Variants in SLC1A2 observed in about 807,000 individuals in gnomAD.
SLC1A2 encodes the protein excitatory amino acid transporter 2.
Under a neutral mutation model 48.8 loss-of-function variants are expected in SLC1A2, and 15 were observed. The observed-to-expected ratio is 0.31, with a 90% CI of 0.21 to 0.47. The LOEUF is 0.47. Among genes scored for constraint, SLC1A2 ranks in the 20% least tolerant of loss-of-function variants. The probability of loss-of-function intolerance (pLI) is 0.99; values close to 1 mark genes in which losing one functional copy is unlikely to be tolerated. For synonymous variants in SLC1A2, 279 were observed against 272.6 expected, an observed-to-expected ratio of 1.02 and a Z score of -0.23; for missense variants, 502 against 730.5, an observed-to-expected ratio of 0.69 and a Z score of 3.61.
chr11:35,361,188 T>A (rs1853669158), intron 1 of SLC1A2, among the ~76,000 whole-genome samples: 1 of 152,130 alleles, frequency 6.6e-6, no homozygotes, highest in Non-Finnish European at 1.5e-5. Context: ...CTCCTGCATT[T>A]TAAGATGATG....
intron 4 of SLC1A2, among the ~76,000 whole-genome samples, chr11:35,311,932 G>A (rs1157001784): frequency 2.4e-4 from 6 of 25,214 alleles, no homozygotes; most frequent in East Asian, 1.3e-3. Context: ...GGCGGGGGGG[G>A]GGGGTGGGGG....
At chr11:35,413,094 G>A (rs1344312837) in intron 1 of SLC1A2, among the ~76,000 whole-genome samples, 1 of 152,154 alleles carries the variant, frequency 6.6e-6, no homozygotes, top group South Asian at 2.1e-4. Context: ...AGAATGGTAC[G>A]CACGCTTTCA....
chr11:35,358,703 A>G (rs1412294065), intron 1 of SLC1A2, among the ~76,000 whole-genome samples: 1 of 152,250 alleles, frequency 6.6e-6, no homozygotes, highest in Non-Finnish European at 1.5e-5. Flanking sequence ...AGAACAGAGT[A>G]CTGAATATTG....
At position 35,254,483 on chromosome 11, in the gene SLC1A2, G is replaced by A. The variant is rs780103226; in HGVS notation, c.*6411C>T. On this transcript the variant is annotated 3_prime_UTR_variant, in exon 11 of 11. Transcript: ENST00000278379. The stretch of plus-strand genomic sequence containing the variant: ...GGGTCCATGGGGGAGAAACCTCAGA[G>A]ATGTGCTGGACCAACTTCCTTGGCT... The A allele has an allele frequency of 4.4e-6, 1 of 224,772 alleles. No individual in the cohort carries two copies. The allele number at this position is 224,772 out of a possible 1,614,324, so 13.9% of individuals were successfully genotyped here.
chr11:35,382,204 A>G (rs1223317000), intron 1 of SLC1A2, among the ~76,000 whole-genome samples: 2 of 152,152 alleles, frequency 1.3e-5, no homozygotes, highest in Non-Finnish European at 2.9e-5. Flanking sequence ...TCACTGAATC[A>G]CCCACCACTT....
chr11:35,419,051 G>T lies in SLC1A2; in HGVS notation c.-85C>A. On this transcript the variant is annotated 5_prime_UTR_variant, in exon 1 of 11. Transcript: ENST00000278379. This position sits in a 1 kb window ranked among gnomAD's most constrained non-coding sequence, Gnocchi z 5.4. ...GCGGACGCCGGGGTGAGCGCGAAGT[G>T]CGGCCGGGAGCGGTATTTAAGAGGA... 8.0e-7 allele frequency: 1 copy of T among 1,257,212 alleles called. No homozygotes were observed. The highest frequency in any genetic ancestry group is 1.1e-6 in the Non-Finnish European group (1 of 889,704). 77.9% of individuals were successfully genotyped at this position (1,257,212 alleles called of 1,614,324 possible). A position where few individuals can be genotyped will look rare whatever the true frequency, so the allele number is the denominator to read the frequency against.
At chr11:35,361,158 G>A (rs991177037) in intron 1 of SLC1A2, among the ~76,000 whole-genome samples, 8 of 152,180 alleles carry the variant, frequency 5.3e-5, no homozygotes, top group African/African-American at 1.9e-4. Context: ...TTATAGGCAT[G>A]AGCCACCATG....
At chr11:35,333,132 A>AG (rs200379203) in intron 1 of SLC1A2, among the ~76,000 whole-genome samples, 3,103 of 152,212 alleles carry the variant, frequency 0.02, 101 homozygotes, top group African/African-American at 0.071. Flanking sequence ...GGGTGCAGTG[A>AG]GGGGGCACAG....
intron 1 of SLC1A2, among the ~76,000 whole-genome samples, chr11:35,361,022 C>A (rs1270867592): frequency 4.6e-5 from 7 of 151,986 alleles, no homozygotes; most frequent in Non-Finnish European, 1.0e-4. Context: ...ACTACAGGTG[C>A]CCACCAGCAT....
chr11:35,283,159 T>C (rs1850695073), intron 8 of SLC1A2, among the ~76,000 whole-genome samples: 1 of 152,152 alleles, frequency 6.6e-6, no homozygotes, highest in Admixed American at 6.5e-5. Flanking sequence ...TCTGCTGGGA[T>C]TTGAACACTG....
intron 7 of SLC1A2, 123 bp downstream of exon 7, chr11:35,292,164 A>G (rs1282712129): frequency 4.1e-6 from 3 of 733,512 alleles, no homozygotes; most frequent in Non-Finnish European, 7.1e-6. Context: ...TTTCCAAAAG[A>G]TCTTAGTAAT....
chr11:35,380,314 G>A (rs1282480225), intron 1 of SLC1A2: 1 of 398,444 alleles, frequency 2.5e-6, no homozygotes, highest in African/African-American at 2.1e-5. Flanking sequence ...CATGGAAAAG[G>A]CCTTGGCTTT....
chr11:35,344,440 A>G (rs1030276535), intron 1 of SLC1A2, among the ~76,000 whole-genome samples: 5 of 152,178 alleles, frequency 3.3e-5, no homozygotes, highest in African/African-American at 1.2e-4. Flanking sequence ...TATGCTACAA[A>G]TAGTAGCAAG....
chr11:35,322,027 C>T (rs1035118955), intron 1 of SLC1A2, among the ~76,000 whole-genome samples: 3 of 152,040 alleles, frequency 2.0e-5, no homozygotes, highest in East Asian at 1.9e-4. Flanking sequence ...CAACTCAGGC[C>T]GATCTCTCAA....
intron 1 of SLC1A2, among the ~76,000 whole-genome samples, chr11:35,341,031 A>G (rs1590206831): frequency 6.6e-6 from 1 of 152,224 alleles, no homozygotes; most frequent in East Asian, 1.9e-4. Context: ...ACTTACATAA[A>G]ACACAGATTG....
At chr11:35,343,736 C>G (rs1852926165) in intron 1 of SLC1A2, among the ~76,000 whole-genome samples, 1 of 151,948 alleles carries the variant, frequency 6.6e-6, no homozygotes, top group Admixed American at 6.6e-5. Context: ...AACCTATTAT[C>G]TGTGCACCAG....
intron 1 of SLC1A2, among the ~76,000 whole-genome samples, chr11:35,320,491 C>A (rs2134923423): frequency 6.6e-6 from 1 of 152,278 alleles, no homozygotes; most frequent in East Asian, 1.9e-4. Context: ...GAAGGGGTCC[C>A]AGAAGGGGCC....
chr11:35,320,939 C>T (rs1047727785), intron 1 of SLC1A2, among the ~76,000 whole-genome samples: 3 of 152,090 alleles, frequency 2.0e-5, no homozygotes, highest in Admixed American at 1.3e-4. Context: ...TGTATTAGTC[C>T]ATTCTCACTC....
At chr11:35,277,460 A>G (rs1330471817) in intron 9 of SLC1A2, among the ~76,000 whole-genome samples, 1 of 152,242 alleles carries the variant, frequency 6.6e-6, no homozygotes, top group African/African-American at 2.4e-5. Context: ...ACATTGCAGT[A>G]CCCACCAAAT....
Sources: allele counts gnomAD v4.1 joint callset (sites outside exome capture counted in the v4.1 genomes callset), GRCh38; gene constraint gnomAD v4.1.1; non-coding constraint Gnocchi (gnomAD v3.1); transcripts MANE v1.5; gene names NCBI Gene and HGNC (gene_info 2026-07-23, HGNC 2026-07-21).